Variants in NPAS3 observed in about 807,000 individuals in gnomAD.
NPAS3 encodes neuronal PAS domain protein 3.
In NPAS3, 14 loss-of-function variants were observed where a neutral mutation model predicts 73.1. The observed-to-expected ratio is 0.19, with a 90% CI of 0.13 to 0.30. NPAS3 has a LOEUF of 0.30. Ranked by LOEUF, NPAS3 falls within the 10% of genes least tolerant of loss-of-function variation. NPAS3 has a pLI of 1.00. For synonymous variants in NPAS3, 620 were observed against 541.5 expected (o/e 1.14, Z -2.01); for missense variants, 1,096 against 1,250.0 (o/e 0.88, Z 1.86).
At chr14:33,192,174 C>T (rs1176626241) in intron 2 of NPAS3, among the ~76,000 whole-genome samples, 2 of 152,140 alleles carry the variant, frequency 1.3e-5, no homozygotes, top group African/African-American at 4.8e-5. Flanking sequence ...CACTTTAAAC[C>T]TCCCTGCCCT....
At chr14:33,364,098 G>T (rs2045730021) in intron 3 of NPAS3, among the ~76,000 whole-genome samples, 1 of 152,250 alleles carries the variant, frequency 6.6e-6, no homozygotes, top group South Asian at 2.1e-4. Context: ...GTGTGTCTGG[G>T]CTACCAGATG....
chr14:33,049,143 C>T (rs2040614874), intron 1 of NPAS3, among the ~76,000 whole-genome samples: 1 of 152,192 alleles, frequency 6.6e-6, no homozygotes, highest in Non-Finnish European at 1.5e-5. Flanking sequence ...GATATACCTG[C>T]ACAATGAATA....
At chr14:33,440,487 C>T (rs764760472) in intron 4 of NPAS3, among the ~76,000 whole-genome samples, 2 of 152,216 alleles carry the variant, frequency 1.3e-5, no homozygotes, top group Non-Finnish European at 2.9e-5. Flanking sequence ...AATGATTATA[C>T]CAATTCTTTC....
chr14:33,613,435 T>C (rs1047199968), intron 5 of NPAS3, among the ~76,000 whole-genome samples: 1 of 152,166 alleles, frequency 6.6e-6, no homozygotes, highest in Non-Finnish European at 1.5e-5. Flanking sequence ...CCTTCCAGCC[T>C]AATATTCCAG....
At chr14:33,660,964 G>A in intron 5 of NPAS3, among the ~76,000 whole-genome samples, 1 of 152,106 alleles carries the variant, frequency 6.6e-6, no homozygotes, top group East Asian at 1.9e-4. Context: ...TAGCTGATAT[G>A]TGTTAAGAGT....
chr14:33,180,799 C>CAAAAAAAAAAAAAAAAAAAA (rs1555350930), intron 2 of NPAS3, among the ~76,000 whole-genome samples: 1 of 69,346 alleles, frequency 1.4e-5, no homozygotes, highest in African/African-American at 5.8e-5. Context: ...ACACTGTCTC[C>CAAAAAAAAAAAAAAAAAAAA]AAGAAAAAAA....
At chr14:33,644,090 C>G (rs1048998601) in intron 5 of NPAS3, among the ~76,000 whole-genome samples, 1 of 152,144 alleles carries the variant, frequency 6.6e-6, no homozygotes, top group Non-Finnish European at 1.5e-5. Context: ...TTGTGTCACT[C>G]GCTCTTCTTT....
At chr14:33,448,739 C>G (rs1174949405) in intron 4 of NPAS3, among the ~76,000 whole-genome samples, 1 of 152,146 alleles carries the variant, frequency 6.6e-6, no homozygotes. Flanking sequence ...TATCAAAGTG[C>G]CCCTGAGACA....
At chr14:32,935,500 A>C (rs774767057), upstream of NPAS3, among the ~76,000 whole-genome samples, 35 of 152,164 alleles carry the variant, frequency 2.3e-4, no homozygotes, top group Admixed American at 1.3e-3. Flanking sequence ...TTATCATGTC[A>C]CCTGTTACTA....
rs375411970 is a variant in NPAS3 at position 33,207,661 on chromosome 14, T to A, written c.141-7521T>A. ...CATTCTTTTCCACAAACATCCATTG[T>A]TAGGACAATGCTCTCAGACAGAATT... On this transcript the variant is annotated intron_variant, in intron 2 of 11. Coordinates refer to ENST00000356141, the Ensembl canonical transcript of NPAS3. Among the ~76,000 whole-genome samples the A allele has an allele frequency of 2.4e-4, 37 of 152,172 alleles. 1 individual carries two copies. In the East Asian group the frequency reaches 2.7e-3, roughly 11 times the overall value.
chr14:33,757,002 G>A (rs78458266), intron 7 of NPAS3, among the ~76,000 whole-genome samples: 5,385 of 152,276 alleles, frequency 0.035, 133 homozygotes, highest in African/African-American at 0.067. Flanking sequence ...CTGATGGTGG[G>A]GCATGGGGAA....
At chr14:33,337,279 T>A (rs1345058690) in intron 3 of NPAS3, among the ~76,000 whole-genome samples, 1 of 152,134 alleles carries the variant, frequency 6.6e-6, no homozygotes, top group Non-Finnish European at 1.5e-5. Flanking sequence ...TACTCAAATG[T>A]CCATGTTTGT....
intron 5 of NPAS3, among the ~76,000 whole-genome samples, chr14:33,668,592 G>A (rs902257966): frequency 3.9e-5 from 6 of 152,170 alleles, no homozygotes; most frequent in Admixed American, 1.3e-4. Context: ...GAGGCAGGCC[G>A]ATCACTTGAG....
chr14:33,261,373 A>G (rs771794271), intron 3 of NPAS3, among the ~76,000 whole-genome samples: 1 of 152,032 alleles, frequency 6.6e-6, no homozygotes, highest in East Asian at 1.9e-4. Flanking sequence ...CTGATTGTCA[A>G]ATTGGTGTTA....
intron 6 of NPAS3, among the ~76,000 whole-genome samples, chr14:33,684,402 C>A (rs1035645879): frequency 1.3e-5 from 2 of 152,080 alleles, no homozygotes; most frequent in East Asian, 3.9e-4. Context: ...ACCTCCATCT[C>A]TCGGGCTCAA....
chr14:33,228,573 G>C (rs1028349170), intron 3 of NPAS3, among the ~76,000 whole-genome samples: 1 of 152,004 alleles, frequency 6.6e-6, no homozygotes, highest in African/African-American at 2.4e-5. Flanking sequence ...GATCCGAAAT[G>C]GGTTATTTTC....
chr14:32,997,111 G>A (rs551941059), intron 1 of NPAS3, among the ~76,000 whole-genome samples: 1 of 152,282 alleles, frequency 6.6e-6, no homozygotes, highest in African/African-American at 2.4e-5. Flanking sequence ...TTTTGGAGCT[G>A]TTAGATTTGA....
At chr14:33,513,347 G>T (rs1256910801) in intron 4 of NPAS3, among the ~76,000 whole-genome samples, 1 of 151,934 alleles carries the variant, frequency 6.6e-6, no homozygotes, top group Non-Finnish European at 1.5e-5. Flanking sequence ...TTAGAATTCT[G>T]TTATAAGACT....
chr14:33,628,092 G>A (rs752813665), intron 5 of NPAS3, among the ~76,000 whole-genome samples: 3 of 152,156 alleles, frequency 2.0e-5, no homozygotes, highest in Admixed American at 6.5e-5. Context: ...AATATGTTGC[G>A]TTGTGAAGCT....
Sources: gnomAD v4.1 joint callset for allele counts (sites outside exome capture counted in the v4.1 genomes callset) on GRCh38, gnomAD v4.1.1 for gene constraint, MANE v1.5 for transcripts, NCBI Gene and HGNC (gene_info 2026-07-23, HGNC 2026-07-21) for gene names.